GLTP: variants seen among roughly 807,000 people sequenced by gnomAD.
GLTP encodes the protein glycolipid transfer protein.
A neutral mutation model predicts 24.0 loss-of-function variants in GLTP; 22 were observed. The ratio of observed to expected loss-of-function variants is 0.92; its 90% CI spans 0.65 to 1.31. The LOEUF (loss-of-function observed/expected upper bound fraction) is 1.31. Among genes scored for constraint, GLTP ranks in the 50% most tolerant of loss-of-function variants. The probability of loss-of-function intolerance (pLI) is 0.00; values close to 1 mark genes in which losing one functional copy is unlikely to be tolerated. For missense variants in GLTP, 224 were observed against 276.6 expected (o/e 0.81, Z 1.35); for synonymous variants, 92 against 115.9 (o/e 0.79, Z 1.33).
chr12:109,880,084 G>T lies in GLTP; in HGVS notation c.103+188C>A, dbSNP rs1263890407. ...AGGCAGGATGTGACATGTTTAGAGC[G>T]GAGAGGACTTGGGAGTGGTCCGGGA... On this transcript the variant is annotated intron_variant, in intron 1 of 4. Transcript: ENST00000318348. The surrounding 1 kb of genome is among the most constrained non-coding windows in gnomAD (Gnocchi z 5.1). 2.0e-5 allele frequency among the ~76,000 whole-genome samples: 3 copies of T among 152,058 alleles called. No homozygotes were observed. The highest frequency in any genetic ancestry group is 4.4e-5 in the Non-Finnish European group (3 of 67,994).
At chr12:109,863,052 C>CA (rs986951816) in intron 1 of GLTP, among the ~76,000 whole-genome samples, 2 of 151,804 alleles carry the variant, frequency 1.3e-5, no homozygotes, top group African/African-American at 4.8e-5. Context: ...AATTCCATCT[C>CA]AAAAAAATAA....
At chr12:109,871,758 C>T (rs1342195995) in intron 1 of GLTP, among the ~76,000 whole-genome samples, 3 of 152,230 alleles carry the variant, frequency 2.0e-5, no homozygotes, top group Non-Finnish European at 4.4e-5. Flanking sequence ...GTTATGATCA[C>T]GGTCATACGT....
In GLTP at chr12:109,878,117, C is replaced by T. The variant is rs140743677; in HGVS notation, c.103+2155G>A. On this transcript the variant is annotated intron_variant, in intron 1 of 4. Transcript: ENST00000318348. ...AACAAAGACAAGGGTCCTTTGAGAC[C>T]AAGGAAAGGGAGGAGGAGATGCTCT... Among the ~76,000 whole-genome samples the T allele has an allele frequency of 3.1e-4, 47 of 152,270 alleles. No individual in the cohort carries two copies. In the East Asian group the frequency reaches 7.9e-3, roughly 26 times the overall value.
chr12:109,876,335 C>T (rs1383145446), intron 1 of GLTP, among the ~76,000 whole-genome samples: 1 of 151,840 alleles, frequency 6.6e-6, no homozygotes, highest in African/African-American at 2.4e-5. Context: ...ATAACAAGAT[C>T]CCCATCTCTA....
intron 1 of GLTP, among the ~76,000 whole-genome samples, chr12:109,860,947 G>C (rs947199495): frequency 2.0e-5 from 3 of 152,264 alleles, no homozygotes; most frequent in South Asian, 2.1e-4. Context: ...ACAGATTACC[G>C]GGCTTCCATG....
At chr12:109,878,627 C>T (rs868328977) in intron 1 of GLTP, among the ~76,000 whole-genome samples, 2 of 151,996 alleles carry the variant, frequency 1.3e-5, no homozygotes, top group Non-Finnish European at 2.9e-5. Context: ...CAACAACCAA[C>T]AACATCACAA....
intron 1 of GLTP, among the ~76,000 whole-genome samples, chr12:109,861,883 C>T (rs1310135169): frequency 2.0e-5 from 3 of 152,206 alleles, no homozygotes; most frequent in Admixed American, 1.3e-4. Context: ...ATGACATCAT[C>T]GTGGAAGCCA....
Position 109,858,662 on chromosome 12 carries a change from G to A in GLTP, c.162+21C>T, listed in dbSNP as rs186646781. Reference sequence around the variant, plus strand: ...TTCCTAACGCAAGTCTTGGGCTGTGGCTGCCCGGCCAGGTACATACCGTGA... The same window carrying A: ...TTCCTAACGCAAGTCTTGGGCTGTGACTGCCCGGCCAGGTACATACCGTGA... On this transcript the variant is annotated intron_variant, in intron 2 of 4. Transcript: ENST00000318348. The A allele has an allele frequency of 1.9e-6, 3 of 1,600,124 alleles. No individual in the cohort carries two copies. In the East Asian group the frequency reaches 6.7e-5, roughly 36 times the overall value.
At chr12:109,853,892 G>A (rs1176236019) in intron 4 of GLTP, among the ~76,000 whole-genome samples, 1 of 150,212 alleles carries the variant, frequency 6.7e-6, no homozygotes, top group African/African-American at 2.4e-5. Flanking sequence ...ACAGGTGCCC[G>A]CCACCATGCC....
Position 109,857,697 on chromosome 12 carries a change from T to G in GLTP, c.163-38A>C. On this transcript the variant is annotated intron_variant, in intron 2 of 4. Coordinates refer to ENST00000318348, the MANE Select transcript of GLTP (RefSeq NM_016433.4). The surrounding 1 kb of genome is among the most constrained non-coding windows in gnomAD (Gnocchi z 4.3). The stretch of plus-strand genomic sequence containing the variant: ...ACACAAGATTTCCCCTTGGGTAAGC[T>G]GCCCCCATAGACATCTGGCCCGCAC... 2 of 1,613,476 alleles carry G rather than the reference T, an allele frequency of 1.2e-6. No individual in the cohort carries two copies. The highest frequency in any genetic ancestry group is 1.3e-5 in the African/African-American group (1 of 75,032).
intron 1 of GLTP, among the ~76,000 whole-genome samples, chr12:109,865,416 C>T: frequency 6.6e-6 from 1 of 152,022 alleles, no homozygotes; most frequent in Admixed American, 6.6e-5. Context: ...CACCTGAGAT[C>T]CGGAGTTCAA....
intron 1 of GLTP, among the ~76,000 whole-genome samples, chr12:109,871,459 C>T (rs974388617): frequency 6.6e-6 from 1 of 152,118 alleles, no homozygotes; most frequent in African/African-American, 2.4e-5. Context: ...TATCATTTCC[C>T]CTCCTCCCCT....
At chr12:109,872,719 C>T (rs1165956866) in intron 1 of GLTP, among the ~76,000 whole-genome samples, 2 of 152,220 alleles carry the variant, frequency 1.3e-5, no homozygotes, top group African/African-American at 4.8e-5. Context: ...ACAGCCATTG[C>T]AGAAAGTGTC....
At chr12:109,854,365 CAAA>C (rs34720686) in intron 4 of GLTP, among the ~76,000 whole-genome samples, 8 of 97,616 alleles carry the variant, frequency 8.2e-5, no homozygotes, top group Admixed American at 3.4e-4. Flanking sequence ...GACCCTGTCT[CAAA>C]AAAAAAAAAA....
At position 109,855,829 on chromosome 12, in the gene GLTP, C is replaced by T; in HGVS notation, c.297-60G>A. ...CTGCACAGCCCTGTCGTGAAAGACC[C>T]TGATGGACTCTGAATTTGCCACCTA... On this transcript the variant is annotated intron_variant, in intron 3 of 4. Coordinates refer to ENST00000318348, the MANE Select transcript of GLTP (RefSeq NM_016433.4). This position sits in a 1 kb window ranked among gnomAD's most constrained non-coding sequence, Gnocchi z 4.1. The T allele has an allele frequency of 7.2e-7, 1 of 1,386,500 alleles. No homozygotes were observed. Among genetic ancestry groups the T allele is most frequent in the South Asian group, 1.6e-5 (1 of 62,350 alleles). 85.9% of individuals were successfully genotyped at this position (1,386,500 alleles called of 1,614,324 possible).
At chr12:109,865,602 A>G (rs1868501193) in intron 1 of GLTP, among the ~76,000 whole-genome samples, 2 of 139,294 alleles carry the variant, frequency 1.4e-5, no homozygotes, top group African/African-American at 2.8e-5. Context: ...ATTCTGTTTG[A>G]AAAAAAAAAA....
Position 109,855,821 on chromosome 12 carries a change from G to GA in GLTP, c.297-53dup. On this transcript the variant is annotated intron_variant, in intron 3 of 4. Transcript: ENST00000318348. This position sits in a 1 kb window ranked among gnomAD's most constrained non-coding sequence, Gnocchi z 4.1. ...TTAGGACCCTGCACAGCCCTGTCGT[G>GA]AAAGACCCTGATGGACTCTGAATTT... The GA allele has an allele frequency of 6.9e-7, 1 of 1,441,780 alleles. No individual in the cohort carries two copies. The highest frequency in any genetic ancestry group is 9.2e-7 in the Non-Finnish European group (1 of 1,081,606). 89.3% of individuals were successfully genotyped at this position (1,441,780 alleles called of 1,614,324 possible). A position where few individuals can be genotyped will look rare whatever the true frequency, so the allele number is the denominator to read the frequency against.
At chr12:109,862,737 G>A (rs1183784210) in intron 1 of GLTP, among the ~76,000 whole-genome samples, 1 of 151,478 alleles carries the variant, frequency 6.6e-6, no homozygotes, top group Admixed American at 6.6e-5. Context: ...GCAACAGAGT[G>A]AGACTCCATC....
In GLTP at chr12:109,851,893, G is replaced by C. The variant is rs1344490401; in HGVS notation, c.*662C>G. ...ACAGAGTTTCGCTCTTGTTGCCCAG[G>C]CTGGAGTGCAATGGTGCGATCTCAG... On this transcript the variant is annotated 3_prime_UTR_variant, in exon 5 of 5. Transcript: ENST00000318348. The C allele has an allele frequency of 6.7e-6, 1 of 149,520 alleles. No homozygotes were observed. Among genetic ancestry groups the C allele is most frequent in the Non-Finnish European group, 1.5e-5 (1 of 68,002 alleles). 9.3% of individuals were successfully genotyped at this position (149,520 alleles called of 1,614,324 possible).
Sources: gnomAD v4.1 joint callset for allele counts (sites outside exome capture counted in the v4.1 genomes callset) on GRCh38, gnomAD v4.1.1 for gene constraint, Gnocchi (gnomAD v3.1) non-coding constraint, MANE v1.5 for transcripts, NCBI Gene and HGNC (gene_info 2026-07-23, HGNC 2026-07-21) for gene names.